The following SGCZ variants were observed in gnomAD, a reference collection of about 807,000 sequenced individuals.
The protein encoded by SGCZ is sarcoglycan zeta, also known as zeta-sarcoglycan.
A neutral mutation model predicts 41.3 loss-of-function variants in SGCZ; 40 were observed. The observed-to-expected ratio is 0.97, with a 90% CI of 0.75 to 1.26. The LOEUF is 1.26. Among genes scored for constraint, SGCZ ranks in the 50% most tolerant of loss-of-function variants. The probability of loss-of-function intolerance (pLI) is 0.00; values close to 1 mark genes in which losing one functional copy is unlikely to be tolerated. For missense variants in SGCZ, 552 were observed against 369.8 expected (o/e 1.49, Z -4.04); for synonymous variants, 206 against 137.5 (o/e 1.50, Z -3.49).
chr8:14,114,174 G>T (rs1475254983), intron 5 of SGCZ, among the ~76,000 whole-genome samples: 1 of 151,946 alleles, frequency 6.6e-6, no homozygotes, highest in African/African-American at 2.4e-5. Flanking sequence ...CTGCTACATA[G>T]TTAAGGATCA....
intron 1 of SGCZ, among the ~76,000 whole-genome samples, chr8:14,604,718 A>T (rs538702903): frequency 6.6e-6 from 1 of 152,282 alleles, no homozygotes; most frequent in African/African-American, 2.4e-5. Flanking sequence ...AGAAAATTTT[A>T]AAAAATAGCC....
At chr8:15,102,301 G>C (rs1806645248) in intron 1 of SGCZ, among the ~76,000 whole-genome samples, 1 of 152,126 alleles carries the variant, frequency 6.6e-6, no homozygotes. Context: ...CAACTATATG[G>C]CATTCTGGAA....
chr8:14,337,762 C>A (rs1021492762), intron 2 of SGCZ, among the ~76,000 whole-genome samples: 1 of 151,946 alleles, frequency 6.6e-6, no homozygotes, highest in Non-Finnish European at 1.5e-5. Flanking sequence ...CAAGAATCAC[C>A]AAGAAGTCCA....
chr8:15,082,430 G>T (rs1192403595), intron 1 of SGCZ, among the ~76,000 whole-genome samples: 1 of 113,108 alleles, frequency 8.8e-6, no homozygotes, highest in Non-Finnish European at 2.1e-5. Flanking sequence ...ATATGTGTGT[G>T]TGTATATCTC....
At chr8:14,681,934 T>A (rs908669599) in intron 1 of SGCZ, among the ~76,000 whole-genome samples, 4 of 152,014 alleles carry the variant, frequency 2.6e-5, no homozygotes, top group African/African-American at 9.7e-5. Context: ...ATGTTCCATA[T>A]ATTTTAATAT....
At chr8:14,499,243 T>A (rs1020104797) in intron 2 of SGCZ, among the ~76,000 whole-genome samples, 6 of 152,092 alleles carry the variant, frequency 3.9e-5, no homozygotes, top group Non-Finnish European at 7.4e-5. Context: ...CTACTTCATA[T>A]TTGTGAATTG....
chr8:14,995,815 C>T (rs544129284), intron 1 of SGCZ, among the ~76,000 whole-genome samples: 1 of 152,260 alleles, frequency 6.6e-6, no homozygotes, highest in African/African-American at 2.4e-5. Context: ...ATTAATCTCA[C>T]CAGAAAATAT....
intron 1 of SGCZ, among the ~76,000 whole-genome samples, chr8:15,079,309 A>C (rs1444295680): frequency 6.6e-6 from 1 of 152,216 alleles, no homozygotes; most frequent in African/African-American, 2.4e-5. Flanking sequence ...ATGTTCAAAA[A>C]CAGCCTATCT....
At chr8:14,332,460 A>G (rs1469893025) in intron 2 of SGCZ, 9 of 152,036 alleles carry the variant, frequency 5.9e-5, no homozygotes, top group Admixed American at 5.9e-4. Flanking sequence ...AAATAAAATA[A>G]AATAAAAAAT....
chr8:14,686,445 T>G (rs915564793), intron 1 of SGCZ, among the ~76,000 whole-genome samples: 1 of 152,040 alleles, frequency 6.6e-6, no homozygotes, highest in African/African-American at 2.4e-5. Flanking sequence ...TCAACTGAGA[T>G]ATAAGAGATC....
chr8:14,344,264 T>C (rs1303073709), intron 2 of SGCZ, among the ~76,000 whole-genome samples: 1 of 151,868 alleles, frequency 6.6e-6, no homozygotes, highest in African/African-American at 2.4e-5. Context: ...AATTGAAGAA[T>C]AATGGATACT....
At chr8:14,340,774 G>T (rs564970726) in intron 2 of SGCZ, among the ~76,000 whole-genome samples, 3 of 152,174 alleles carry the variant, frequency 2.0e-5, no homozygotes, top group Non-Finnish European at 4.4e-5. Flanking sequence ...CTTTTTTATT[G>T]TGGTAAAATA....
chr8:15,151,130 C>G (rs1799169357), intron 1 of SGCZ, among the ~76,000 whole-genome samples: 1 of 152,240 alleles, frequency 6.6e-6, no homozygotes, highest in Non-Finnish European at 1.5e-5. Flanking sequence ...GCTGTCTATT[C>G]AGAGGACTAC....
At chr8:14,852,040 G>A (rs1226900982) in intron 1 of SGCZ, among the ~76,000 whole-genome samples, 1 of 152,056 alleles carries the variant, frequency 6.6e-6, no homozygotes, top group Non-Finnish European at 1.5e-5. Flanking sequence ...TGTCCCCTCA[G>A]GTTAAAGATT....
chr8:14,142,986 T>G (rs1435312055), intron 5 of SGCZ, among the ~76,000 whole-genome samples: 2 of 140,284 alleles, frequency 1.4e-5, no homozygotes, highest in African/African-American at 5.3e-5. Context: ...ATAAAACGTT[T>G]TTCTTTATAA....
intron 1 of SGCZ, among the ~76,000 whole-genome samples, chr8:14,814,920 T>G (rs1801855510): frequency 6.6e-6 from 1 of 152,190 alleles, no homozygotes; most frequent in African/African-American, 2.4e-5. Flanking sequence ...TCATCCTAAT[T>G]AATGTTTGCT....
chr8:14,646,566 T>A (rs1259082978), intron 1 of SGCZ, among the ~76,000 whole-genome samples: 1 of 151,888 alleles, frequency 6.6e-6, no homozygotes, highest in African/African-American at 2.4e-5. Context: ...TTCTTTTGGA[T>A]ATACATCCGG....
At chr8:14,136,782 G>A (rs1259136575) in intron 5 of SGCZ, among the ~76,000 whole-genome samples, 1 of 152,194 alleles carries the variant, frequency 6.6e-6, no homozygotes, top group Non-Finnish European at 1.5e-5. Context: ...CTGTCTGACA[G>A]CTTTGAAAAG....
intron 4 of SGCZ, among the ~76,000 whole-genome samples, chr8:14,205,691 G>A (rs1288609707): frequency 1.3e-5 from 2 of 152,088 alleles, no homozygotes; most frequent in African/African-American, 4.8e-5. Context: ...AGGCAGCTCT[G>A]AACCAATTTT....
Sources: allele counts gnomAD v4.1 joint callset (sites outside exome capture counted in the v4.1 genomes callset), GRCh38; gene constraint gnomAD v4.1.1; transcripts MANE v1.5; gene names NCBI Gene and HGNC (gene_info 2026-07-23, HGNC 2026-07-21).